OPCML: variants seen among roughly 807,000 people sequenced by gnomAD.
OPCML encodes opioid-binding protein/cell adhesion molecule.
OPCML carries 13 observed loss-of-function variants against 37.8 expected under a neutral mutation model. The observed-to-expected ratio is 0.34, with a 90% CI of 0.22 to 0.55. The LOEUF is 0.55. Ranked by LOEUF, OPCML falls within the 20% of genes least tolerant of loss-of-function variation. OPCML has a pLI of 0.91. For synonymous variants in OPCML, 176 were observed against 168.8 expected (o/e 1.04, Z -0.33); for missense variants, 341 against 435.6 (o/e 0.78, Z 1.93).
chr11:133,472,027 C>T (rs1029035821), intron 1 of OPCML, among the ~76,000 whole-genome samples: 12 of 152,172 alleles, frequency 7.9e-5, no homozygotes, highest in Non-Finnish European at 1.5e-4. Flanking sequence ...TGACAGACCC[C>T]ACCTATTGGC....
intron 3 of OPCML, among the ~76,000 whole-genome samples, chr11:132,601,349 C>T (rs957664250): frequency 6.6e-6 from 1 of 152,104 alleles, no homozygotes; most frequent in African/African-American, 2.4e-5. Context: ...CTTAACAAAC[C>T]AATTCCCCAC....
chr11:133,423,888 C>T (rs1642643722), intron 1 of OPCML, among the ~76,000 whole-genome samples: 1 of 152,080 alleles, frequency 6.6e-6, no homozygotes, highest in Non-Finnish European at 1.5e-5. Context: ...CTCCCTCTTT[C>T]ACCATGTGAC....
intron 2 of OPCML, among the ~76,000 whole-genome samples, chr11:132,803,650 T>C (rs1454006072): frequency 1.3e-5 from 2 of 152,214 alleles, no homozygotes; most frequent in African/African-American, 2.4e-5. Context: ...CTCCTTCTTG[T>C]GATCATTTCC....
chr11:132,883,412 A>T (rs747271457), intron 2 of OPCML, among the ~76,000 whole-genome samples: 9 of 152,346 alleles, frequency 5.9e-5, no homozygotes, highest in Middle Eastern at 3.4e-3. Context: ...TTAGTCCTGC[A>T]GACAAGAAGG....
chr11:132,983,954 C>T (rs1309052695), intron 1 of OPCML, among the ~76,000 whole-genome samples: 2 of 152,150 alleles, frequency 1.3e-5, no homozygotes, highest in Non-Finnish European at 2.9e-5. Flanking sequence ...GGTTCTAATC[C>T]ATTGAGTTTA....
intron 4 of OPCML, among the ~76,000 whole-genome samples, chr11:132,453,255 G>T (rs2096073104): frequency 1.3e-5 from 2 of 152,164 alleles, no homozygotes; most frequent in African/African-American, 4.8e-5. Context: ...TTATGGCTGA[G>T]GTTAGGAAAG....
At chr11:133,171,904 C>A (rs1234183149) in intron 1 of OPCML, among the ~76,000 whole-genome samples, 1 of 152,096 alleles carries the variant, frequency 6.6e-6, no homozygotes, top group African/African-American at 2.4e-5. Flanking sequence ...CTAGGTACTG[C>A]AAGTGTGGTT....
chr11:132,781,964 T>A (rs1389818046), intron 2 of OPCML, among the ~76,000 whole-genome samples: 6 of 139,856 alleles, frequency 4.3e-5, no homozygotes, highest in African/African-American at 1.7e-4. Flanking sequence ...ATTTTTTTTT[T>A]TTTTTTTTCT....
intron 1 of OPCML, among the ~76,000 whole-genome samples, chr11:132,973,180 G>C (rs1464911402): frequency 6.6e-6 from 1 of 152,172 alleles, no homozygotes; most frequent in African/African-American, 2.4e-5. Flanking sequence ...TCCTGGCCTA[G>C]ATTTTAAGAC....
At chr11:132,653,385 G>T (rs1941534925) in intron 3 of OPCML, among the ~76,000 whole-genome samples, 1 of 152,158 alleles carries the variant, frequency 6.6e-6, no homozygotes, top group African/African-American at 2.4e-5. Flanking sequence ...GCCTGCGCTT[G>T]TGCCTCCAGC....
intron 1 of OPCML, among the ~76,000 whole-genome samples, chr11:133,481,087 A>G (rs1009051097): frequency 2.6e-5 from 4 of 152,248 alleles, no homozygotes; most frequent in African/African-American, 9.6e-5. Flanking sequence ...TGAATAGCTC[A>G]CCAATGCTAA....
At chr11:133,230,503 C>G (rs990072166) in intron 1 of OPCML, among the ~76,000 whole-genome samples, 3 of 152,192 alleles carry the variant, frequency 2.0e-5, no homozygotes, top group Non-Finnish European at 4.4e-5. Flanking sequence ...GCCTTGAACC[C>G]TAACTGAAAC....
At chr11:133,123,078 T>A (rs920877102) in intron 1 of OPCML, among the ~76,000 whole-genome samples, 1 of 152,238 alleles carries the variant, frequency 6.6e-6, no homozygotes, top group African/African-American at 2.4e-5. Context: ...TATTTCAATC[T>A]GCAGAATCAA....
rs1169916853 is a variant in OPCML at position 133,498,961 on chromosome 11, A to G, written c.61+33303T>C. Among the ~76,000 whole-genome samples, 5 of 152,208 alleles carry G rather than the reference A, an allele frequency of 3.3e-5. 1 individual carries two copies. Among genetic ancestry groups the G allele is most frequent in the Non-Finnish European group, 7.3e-5 (5 of 68,042 alleles). On this transcript the variant is annotated intron_variant, in intron 1 of 7. Transcript: ENST00000524381. ...TGGTAAGATTGTTACCACTGTACAGATGACTACAATGAGGCACATGAGGTT... is the reference window on the plus strand; with the variant it reads ...TGGTAAGATTGTTACCACTGTACAGGTGACTACAATGAGGCACATGAGGTT...
At chr11:133,079,907 G>C (rs1446458377) in intron 1 of OPCML, among the ~76,000 whole-genome samples, 1 of 152,148 alleles carries the variant, frequency 6.6e-6, no homozygotes. Flanking sequence ...ATGGAAGATA[G>C]GCATCACTCT....
At chr11:132,562,431 T>G (rs902086166) in intron 3 of OPCML, among the ~76,000 whole-genome samples, 1 of 152,072 alleles carries the variant, frequency 6.6e-6, no homozygotes, top group Non-Finnish European at 1.5e-5. Flanking sequence ...GACATTTTTA[T>G]GACTAAGAGG....
chr11:132,453,352 C>T lies in OPCML; in HGVS notation c.506-15993G>A, dbSNP rs190399607. 2.3e-4 allele frequency among the ~76,000 whole-genome samples: 35 copies of T among 152,262 alleles called. 1 individual carries two copies. The highest frequency in any genetic ancestry group is 1.1e-3 in the Admixed American group (17 of 15,298). ...TAGCACCAAAGCTGAGAAACCTGCA[C>T]CAAAATGTAAATGCGTATTGAATCG... On this transcript the variant is annotated intron_variant, in intron 4 of 7. Coordinates refer to ENST00000524381, the MANE Select transcript of OPCML (RefSeq NM_001012393.5).
chr11:132,792,025 C>T (rs1937949614), intron 2 of OPCML, among the ~76,000 whole-genome samples: 1 of 152,202 alleles, frequency 6.6e-6, no homozygotes, highest in Non-Finnish European at 1.5e-5. Context: ...ATTCTGCATC[C>T]AAATGTCCCC....
intron 1 of OPCML, among the ~76,000 whole-genome samples, chr11:133,122,067 T>C (rs1487785351): frequency 6.6e-6 from 1 of 152,228 alleles, no homozygotes; most frequent in Non-Finnish European, 1.5e-5. Flanking sequence ...TTCTCATATA[T>C]ATCCATATAA....
Sources: allele counts gnomAD v4.1 joint callset (sites outside exome capture counted in the v4.1 genomes callset), GRCh38; gene constraint gnomAD v4.1.1; transcripts MANE v1.5; gene names NCBI Gene and HGNC (gene_info 2026-07-23, HGNC 2026-07-21).